The following PTPRR variants were observed in gnomAD, a reference collection of about 807,000 sequenced individuals.
PTPRR encodes the protein receptor-type tyrosine-protein phosphatase R.
In PTPRR, 38 loss-of-function variants were observed where a neutral mutation model predicts 77.2. The observed-to-expected ratio is 0.49, with a 90% CI of 0.38 to 0.65. The LOEUF (loss-of-function observed/expected upper bound fraction) is 0.65. PTPRR is among the 30% of genes least tolerant of loss of function. PTPRR has a pLI of 0.00. For synonymous variants in PTPRR, 299 were observed against 283.1 expected (o/e 1.06, Z -0.57); for missense variants, 744 against 799.2 (o/e 0.93, Z 0.83).
At chr12:70,893,156 G>T (rs532283211) in intron 1 of PTPRR, among the ~76,000 whole-genome samples, 179 bp from the exon 2 acceptor site, 1 of 151,986 alleles carries the variant, frequency 6.6e-6, no homozygotes, top group African/African-American at 2.4e-5. Flanking sequence ...ACACCTGGTG[G>T]TATGAAGGCC....
chr12:70,823,107 TGA>T (rs1491115848), intron 2 of PTPRR, among the ~76,000 whole-genome samples: 5 of 67,736 alleles, frequency 7.4e-5, no homozygotes, highest in Admixed American at 3.6e-4. Context: ...TCTCTCTCTC[TGA>T]CACACACACA....
At chr12:70,807,898 G>C (rs1891739089) in intron 2 of PTPRR, among the ~76,000 whole-genome samples, 1 of 152,146 alleles carries the variant, frequency 6.6e-6, no homozygotes, top group Non-Finnish European at 1.5e-5. Context: ...GGCACCTTAA[G>C]AAGAGGATAA....
intron 2 of PTPRR, among the ~76,000 whole-genome samples, chr12:70,774,662 CT>C (rs1420981294): frequency 6.6e-6 from 1 of 152,134 alleles, no homozygotes; most frequent in African/African-American, 2.4e-5. Flanking sequence ...ATTTCTGACT[CT>C]TCCCCATAAA....
At chr12:70,819,878 T>C in intron 2 of PTPRR, among the ~76,000 whole-genome samples, 1 of 152,242 alleles carries the variant, frequency 6.6e-6, no homozygotes, top group South Asian at 2.1e-4. Flanking sequence ...ATATTTTCTG[T>C]GTTCAGTCTA....
intron 2 of PTPRR, among the ~76,000 whole-genome samples, chr12:70,776,460 G>C (rs1046485791): frequency 1.3e-4 from 20 of 151,964 alleles, no homozygotes; most frequent in Admixed American, 1.3e-3. Context: ...TCCCAATCAA[G>C]CTACTATTCT....
rs553473655 is a variant in PTPRR, at chr12:70,814,993, T to TA, written c.358-50216dup. Among the ~76,000 whole-genome samples the TA allele has an allele frequency of 3.6e-3, 550 of 151,174 alleles. 1 individual carries two copies. Among genetic ancestry groups the TA allele is most frequent in the Non-Finnish European group, 5.4e-3 (369 of 67,726 alleles). ...AAAACCAATAATGCAGAGAAAATAA[T>TA]AAAAAAAATAGAAAACAGACCAGAA... On this transcript the variant is annotated intron_variant, in intron 2 of 13. Coordinates refer to ENST00000283228, the MANE Select transcript of PTPRR (RefSeq NM_002849.4).
intron 2 of PTPRR, among the ~76,000 whole-genome samples, chr12:70,887,321 C>A (rs1893256662): frequency 6.6e-6 from 1 of 151,878 alleles, no homozygotes; most frequent in Non-Finnish European, 1.5e-5. Context: ...GCGTGGTGGT[C>A]CGTGCCTATC....
At chr12:70,771,177 A>T (rs1341303285) in intron 2 of PTPRR, among the ~76,000 whole-genome samples, 1 of 151,314 alleles carries the variant, frequency 6.6e-6, no homozygotes. Flanking sequence ...AAAAAAAATA[A>T]AAATAAAAAG....
chr12:70,892,118 T>C (rs1254839133), intron 2 of PTPRR, among the ~76,000 whole-genome samples: 1 of 152,084 alleles, frequency 6.6e-6, no homozygotes, highest in African/African-American at 2.4e-5. Flanking sequence ...GTATCACTTT[T>C]ATTAATAAAG....
At chr12:70,913,268 A>G (rs1266478475) in intron 1 of PTPRR, among the ~76,000 whole-genome samples, 1 of 152,156 alleles carries the variant, frequency 6.6e-6, no homozygotes, top group Non-Finnish European at 1.5e-5. Context: ...ACAAAATGAG[A>G]GAAAAAATGT....
rs533961089 is a variant in PTPRR, at chr12:70,753,295, A to T, written c.738+896T>A. Reference sequence around the variant, plus strand: ...AAAATCCAATAAAACACTTAGCAACATTGTTGATTGTGGAGAGAAATAAGT... The same window carrying T: ...AAAATCCAATAAAACACTTAGCAACTTTGTTGATTGTGGAGAGAAATAAGT... On this transcript the variant is annotated intron_variant, in intron 5 of 13. Transcript: ENST00000283228. Among the ~76,000 whole-genome samples the T allele has an allele frequency of 2.0e-5, 3 of 152,260 alleles. No individual in the cohort carries two copies. The South Asian group carries it at 6.2e-4, about 32-fold the overall frequency.
chr12:70,916,860 CA>C (rs1169774377), intron 1 of PTPRR, among the ~76,000 whole-genome samples: 1 of 152,124 alleles, frequency 6.6e-6, no homozygotes, highest in Non-Finnish European at 1.5e-5. Flanking sequence ...TTGTGCCATT[CA>C]AAAAGGCTGA....
intron 1 of PTPRR, among the ~76,000 whole-genome samples, chr12:70,908,300 G>T (rs1439882303): frequency 6.6e-6 from 1 of 152,170 alleles, no homozygotes; most frequent in African/African-American, 2.4e-5. Flanking sequence ...GAAAGTGGGT[G>T]TATTAGTCCA....
chr12:70,859,724 A>T (rs1892718123), intron 2 of PTPRR, among the ~76,000 whole-genome samples: 1 of 151,966 alleles, frequency 6.6e-6, no homozygotes, highest in South Asian at 2.1e-4. Flanking sequence ...GCTGAGAGGG[A>T]GGCTGAAAAC....
chr12:70,782,254 C>T (rs555788545), intron 2 of PTPRR, among the ~76,000 whole-genome samples: 2 of 151,854 alleles, frequency 1.3e-5, no homozygotes, highest in East Asian at 1.9e-4. Context: ...GGTAGGTGAG[C>T]GAATACCAAT....
At chr12:70,913,681 T>C (rs1392937109) in intron 1 of PTPRR, among the ~76,000 whole-genome samples, 2 of 152,192 alleles carry the variant, frequency 1.3e-5, no homozygotes, top group South Asian at 2.1e-4. Flanking sequence ...TTATGGAGTG[T>C]ATTTACATAG....
intron 2 of PTPRR, among the ~76,000 whole-genome samples, chr12:70,794,847 A>G (rs1005933564): frequency 2.0e-5 from 3 of 152,208 alleles, no homozygotes; most frequent in African/African-American, 7.2e-5. Context: ...TCCTATGCAC[A>G]GGAGACCCCA....
At chr12:70,848,414 G>C (rs1053353445) in intron 2 of PTPRR, among the ~76,000 whole-genome samples, 2 of 151,890 alleles carry the variant, frequency 1.3e-5, no homozygotes, top group Non-Finnish European at 2.9e-5. Flanking sequence ...TGTAGCCTCT[G>C]CCTCCTGTGT....
chr12:70,801,168 C>T lies in PTPRR; in HGVS notation c.358-36390G>A, dbSNP rs114979457. Among the ~76,000 whole-genome samples the T allele has an allele frequency of 5.3e-3, 811 of 152,146 alleles. 9 individuals are homozygous for T. The highest frequency in any genetic ancestry group is 0.019 in the African/African-American group (779 of 41,530). On this transcript the variant is annotated intron_variant, in intron 2 of 13. Coordinates refer to ENST00000283228, the MANE Select transcript of PTPRR (RefSeq NM_002849.4). ...TCTAATTGTACAAACTAGGCAGTTC[C>T]TTTATATATCTGTTGTTCAGCATTC...
Sources: gnomAD v4.1 joint callset for allele counts (sites outside exome capture counted in the v4.1 genomes callset) on GRCh38, gnomAD v4.1.1 for gene constraint, MANE v1.5 for transcripts, NCBI Gene and HGNC (gene_info 2026-07-23, HGNC 2026-07-21) for gene names.